PIGG: variants seen among roughly 807,000 people sequenced by gnomAD.
The protein encoded by PIGG is phosphatidylinositol glycan anchor biosynthesis class G (EMM blood group).
Under a neutral mutation model 83.2 loss-of-function variants are expected in PIGG, and 70 were observed. The ratio of observed to expected loss-of-function variants is 0.84; its 90% CI spans 0.69 to 1.03. The LOEUF (loss-of-function observed/expected upper bound fraction) is 1.03. Among genes scored for constraint, PIGG ranks in the 50% least tolerant of loss-of-function variants. The probability of loss-of-function intolerance (pLI) is 0.00; values close to 1 mark genes in which losing one functional copy is unlikely to be tolerated. For missense variants in PIGG, 1,257 were observed against 1,233.6 expected (o/e 1.02, Z -0.28); for synonymous variants, 532 against 519.5 (o/e 1.02, Z -0.33).
At chr4:535,460 C>T (rs1446606741) in intron 12 of PIGG, among the ~76,000 whole-genome samples, 2 of 102,092 alleles carry the variant, frequency 2.0e-5, no homozygotes, top group Admixed American at 8.5e-5. Context: ...AGGCGAGCGT[C>T]TGGGACACTG....
chr4:499,712 C>CT (rs1560260629), intron 1 of PIGG: 2 of 1,394,462 alleles, frequency 1.4e-6, no homozygotes, highest in Admixed American at 6.4e-5. Flanking sequence ...ACCTTCCTTC[C>CT]TGATCACCAC....
At chr4:525,866 T>A (rs1727444989) in intron 9 of PIGG, 1 of 152,210 alleles carries the variant, frequency 6.6e-6, no homozygotes, top group African/African-American at 2.4e-5. Flanking sequence ...GACGGGCTGC[T>A]GGGAGGTTGT....
intron 10 of PIGG, chr4:527,567 T>C: frequency 9.6e-7 from 1 of 1,036,458 alleles, no homozygotes. Context: ...GTTTCTAAGT[T>C]AGTGGCAGCA....
Position 521,248 on chromosome 4 carries a change from T to C in PIGG, c.1307T>C (p.Met436Thr), listed in dbSNP as rs2108941959. 1 of 1,613,660 alleles carries C rather than the reference T, an allele frequency of 6.2e-7. No individual in the cohort carries two copies. Among genetic ancestry groups the C allele is most frequent in the Non-Finnish European group, 8.5e-7 (1 of 1,179,578 alleles). ...QVAQYDIYSM[M>T]VGTVVVLEVL... ...GCCCAGTACGACATCTATTCGATGA[T>C]GGTGGGGACTGTCGTGGTTTTGGAG... Residue 436 changes from methionine (M) to threonine (T), a missense_variant, in exon 7 of 13, where the codon ATG becomes ACG. By Grantham distance (81) the Met-to-Thr change is moderately conservative. Transcript: ENST00000453061.
chr4:532,356 T>C (rs13141560), intron 11 of PIGG: 28,607 of 152,254 alleles, frequency 0.19, 3,254 homozygotes, highest in African/African-American at 0.32. Context: ...AGTGACCTCC[T>C]AGGTGTCCTC....
intron 5 of PIGG, among the ~76,000 whole-genome samples, chr4:511,821 G>A (rs1429002742): frequency 4.6e-5 from 7 of 152,136 alleles, no homozygotes; most frequent in Non-Finnish European, 5.9e-5. Context: ...GAAAATATCC[G>A]GGATGTCTAT....
intron 11 of PIGG, chr4:533,455 A>G: frequency 5.1e-6 from 1 of 195,024 alleles, no homozygotes; most frequent in Non-Finnish European, 1.1e-5. Flanking sequence ...CCTTGAGGGG[A>G]GCTTCATGTG....
Position 499,235 on chromosome 4 carries a change from G to T in PIGG, c.-101G>T, listed in dbSNP as rs1716573802. ...ACTGTCGCTGCGACGATAAGGCCTG[G>T]CGTTATTGCTTAGAGGCGGCTACCT... On this transcript the variant is annotated 5_prime_UTR_variant, in exon 1 of 13. Coordinates refer to ENST00000453061, the MANE Select transcript of PIGG (RefSeq NM_001127178.3). The T allele has an allele frequency of 2.3e-6, 3 of 1,290,614 alleles. No individual in the cohort carries two copies. The highest frequency in any genetic ancestry group is 3.2e-6 in the Non-Finnish European group (3 of 929,338). The allele number at this position is 1,290,614 out of a possible 1,614,324, so 79.9% of individuals were successfully genotyped here.
Position 530,690 on chromosome 4 carries a change from C to T in PIGG, c.2516C>T (p.Ala839Val), listed in dbSNP as rs750845856. ...ATCTGGAAGCCCCTGAGACACGATGCAGCTGAGATTACTGTGATGCATTAT... is the reference window on the plus strand; with the variant it reads ...ATCTGGAAGCCCCTGAGACACGATGTAGCTGAGATTACTGTGATGCATTAT... ...KFIWKPLRHD[A>V]AEITVMHYWF... Residue 839 changes from alanine (A) to valine (V), a missense_variant, in exon 11 of 13, where the codon GCA (alanine) becomes GTA (valine). Coordinates refer to ENST00000453061, the MANE Select transcript of PIGG (RefSeq NM_001127178.3). The T allele has an allele frequency of 6.2e-7, 1 of 1,613,806 alleles. No individual in the cohort carries two copies. Among genetic ancestry groups the T allele is most frequent in the Admixed American group, 1.7e-5 (1 of 60,024 alleles).
intron 12 of PIGG, among the ~76,000 whole-genome samples, chr4:538,829 T>A (rs1200929815): frequency 6.6e-6 from 1 of 152,194 alleles, no homozygotes; most frequent in East Asian, 1.9e-4. Context: ...GGGGGGGACA[T>A]GGTGGCCCTC....
intron 4 of PIGG, among the ~76,000 whole-genome samples, chr4:507,959 T>C (rs1560287106): frequency 6.6e-6 from 1 of 152,196 alleles, no homozygotes; most frequent in African/African-American, 2.4e-5. Context: ...CTCTCTTCTG[T>C]GTCACTCTCT....
chr4:511,481 A>T (rs1553883410), intron 5 of PIGG, among the ~76,000 whole-genome samples: 3 of 151,940 alleles, frequency 2.0e-5, no homozygotes, highest in African/African-American at 7.3e-5. Flanking sequence ...GTGGATGTAT[A>T]TTTCCTATGT....
At chr4:536,061 G>A (rs562657380) in intron 12 of PIGG, among the ~76,000 whole-genome samples, 16 of 152,316 alleles carry the variant, frequency 1.1e-4, no homozygotes, top group South Asian at 2.1e-4. Context: ...GGAGCCCCTC[G>A]CCGCTCACGT....
At chr4:509,485 C>T (rs1721125476) in intron 5 of PIGG, among the ~76,000 whole-genome samples, 1 of 152,218 alleles carries the variant, frequency 6.6e-6, no homozygotes, top group African/African-American at 2.4e-5. Flanking sequence ...GCCCTCGCGG[C>T]CGCCGGCCTT....
Position 500,500 on chromosome 4 carries a change from G to A in PIGG, c.259G>A (p.Val87Met), listed in dbSNP as rs1421773183. The change falls in exon 2 of 13, where the codon GTG becomes ATG. Residue 87 changes from valine to methionine, a missense_variant. Val to Met is a conservative substitution (Grantham distance 21). Coordinates refer to ENST00000453061, the MANE Select transcript of PIGG (RefSeq NM_001127178.3). ...TGATTTTGTGTTTGGGTCAAAGGGTGTGAAATTTATGCCCTACACAACTTA... is the reference window on the plus strand; with the variant it reads ...TGATTTTGTGTTTGGGTCAAAGGGTATGAAATTTATGCCCTACACAACTTA... ...RDDFVFGSKG[V>M]KFMPYTTYLV... 1 of 1,612,978 alleles carries A rather than the reference G, an allele frequency of 6.2e-7. No individual in the cohort carries two copies. Among genetic ancestry groups the A allele is most frequent in the African/African-American group, 1.3e-5 (1 of 74,862 alleles).
chr4:522,960 T>G (rs561532996), intron 8 of PIGG: 8 of 154,012 alleles, frequency 5.2e-5, no homozygotes, highest in African/African-American at 1.9e-4. Context: ...TCTAGAATAT[T>G]CCTGGAGAAA....
At chr4:538,472 C>T (rs1380029019) in intron 12 of PIGG, among the ~76,000 whole-genome samples, 2 of 152,206 alleles carry the variant, frequency 1.3e-5, no homozygotes, top group Non-Finnish European at 2.9e-5. Context: ...ATTTGTATCT[C>T]ACCCTTTTGT....
chr4:534,916 C>A (rs1221637185), intron 12 of PIGG, among the ~76,000 whole-genome samples: 1 of 151,910 alleles, frequency 6.6e-6, no homozygotes, highest in African/African-American at 2.4e-5. Context: ...CGTCTCCTGG[C>A]GGTTTTGTGC....
At chr4:501,317 T>C (rs1280887620) in intron 2 of PIGG, 3 of 353,914 alleles carry the variant, frequency 8.5e-6, no homozygotes, top group African/African-American at 6.5e-5. Context: ...AAGGAGCATA[T>C]GAAAACATGC....
Sources: allele counts gnomAD v4.1 joint callset (sites outside exome capture counted in the v4.1 genomes callset), GRCh38; gene constraint gnomAD v4.1.1; transcripts MANE v1.5; gene names NCBI Gene and HGNC (gene_info 2026-07-23, HGNC 2026-07-21).